ADGRL2: variants seen among roughly 807,000 people sequenced by gnomAD.
ADGRL2 encodes calcium-independent alpha-latrotoxin receptor 2.
A neutral mutation model predicts 157.4 loss-of-function variants in ADGRL2; 44 were observed. The ratio of observed to expected loss-of-function variants is 0.28; its 90% CI spans 0.22 to 0.36. The LOEUF (loss-of-function observed/expected upper bound fraction) is 0.36, where lower values mean the gene tolerates loss of function less well. Among genes scored for constraint, ADGRL2 ranks in the 10% least tolerant of loss-of-function variants. ADGRL2 has a pLI of 1.00. For synonymous variants in ADGRL2, 585 were observed against 624.7 expected, an observed-to-expected ratio of 0.94 and a Z score of 0.95; for missense variants, 1,510 against 1,768.9, an observed-to-expected ratio of 0.85 and a Z score of 2.63.
intron 2 of ADGRL2, among the ~76,000 whole-genome samples, chr1:81,520,819 A>G (rs1331619827): frequency 6.6e-6 from 1 of 152,136 alleles, no homozygotes. Context: ...TAAAAAGTCT[A>G]TGACAGGCAG....
At chr1:81,332,372 T>C (rs553919004) in intron 1 of ADGRL2, among the ~76,000 whole-genome samples, 19 of 152,266 alleles carry the variant, frequency 1.2e-4, no homozygotes, top group South Asian at 4.1e-4. Context: ...AAAAGAAATA[T>C]TTTAGCAGAG....
intron 1 of ADGRL2, among the ~76,000 whole-genome samples, chr1:81,826,324 G>A (rs1386105752): frequency 6.6e-6 from 1 of 152,132 alleles, no homozygotes; most frequent in Non-Finnish European, 1.5e-5. Flanking sequence ...TAGTATATTG[G>A]TCTAGAAGGT....
chr1:81,950,203 G>A lies in ADGRL2; in HGVS notation c.1225G>A (p.Val409Met). ...PDPAQVPTTA[V>M]TITSSAELFK... ...TTTTTCCATAGTGCCTACCACAGCT[G>A]TGACAATAACTTCTTCAGCTGAGCT... The change falls in exon 7 of 24, where the codon GTG becomes ATG. Residue 409 changes from valine to methionine, a missense_variant. By Grantham distance (21) the Val-to-Met change is conservative. Around this residue, in one of 4 missense-constraint regions of ADGRL2, gnomAD observed 325 missense variants for 333.2 expected, o/e 0.98. Transcript: ENST00000686636. 6.2e-7 allele frequency: 1 copy of A among 1,613,844 alleles called. No individual in the cohort carries two copies. Among genetic ancestry groups the A allele is most frequent in the South Asian group, 1.1e-5 (1 of 91,078 alleles).
chr1:81,418,647 G>A (rs530345247), intron 1 of ADGRL2, among the ~76,000 whole-genome samples: 4 of 152,032 alleles, frequency 2.6e-5, no homozygotes, highest in South Asian at 2.1e-4. Context: ...CCAGCTACTC[G>A]GGAGGCTGAG....
At chr1:81,491,741 T>C (rs924052112) in intron 2 of ADGRL2, among the ~76,000 whole-genome samples, 4 of 152,168 alleles carry the variant, frequency 2.6e-5, no homozygotes, top group Non-Finnish European at 4.4e-5. Context: ...ATTTCTACGG[T>C]GGTGGGTGCT....
chr1:81,894,840 CT>C (rs1162674673), intron 2 of ADGRL2, among the ~76,000 whole-genome samples: 2 of 151,820 alleles, frequency 1.3e-5, no homozygotes, highest in Admixed American at 1.3e-4. Flanking sequence ...AATTTACAGC[CT>C]TTTGAAGTTT....
chr1:81,821,611 A>G (rs2090994934), intron 1 of ADGRL2, among the ~76,000 whole-genome samples: 1 of 152,142 alleles, frequency 6.6e-6, no homozygotes, highest in Admixed American at 6.6e-5. Context: ...AATAATATCT[A>G]TGGTTTAATT....
chr1:81,827,639 C>A (rs1417294810), intron 1 of ADGRL2, among the ~76,000 whole-genome samples: 1 of 152,138 alleles, frequency 6.6e-6, no homozygotes, highest in African/African-American at 2.4e-5. Context: ...GATCTTGGCG[C>A]ACTACACCCT....
chr1:81,941,418 A>T (rs1221027773), intron 4 of ADGRL2, among the ~76,000 whole-genome samples: 2 of 151,604 alleles, frequency 1.3e-5, no homozygotes, highest in Non-Finnish European at 3.0e-5. Flanking sequence ...TAGGAATAGA[A>T]AATAATAGAA....
chr1:81,581,887 C>A (rs2080920799), intron 3 of ADGRL2, among the ~76,000 whole-genome samples: 1 of 145,760 alleles, frequency 6.9e-6, no homozygotes, highest in South Asian at 2.1e-4. Context: ...CACACACACA[C>A]ACACACACAC....
At chr1:81,715,123 T>C (rs940144773) in intron 1 of ADGRL2, among the ~76,000 whole-genome samples, 1 of 151,962 alleles carries the variant, frequency 6.6e-6, no homozygotes, top group East Asian at 1.9e-4. Context: ...TGCTTCTTGC[T>C]TTGGCTGCTC....
intron 1 of ADGRL2, among the ~76,000 whole-genome samples, chr1:81,326,113 G>A (rs1408176856): frequency 6.6e-6 from 1 of 152,174 alleles, no homozygotes; most frequent in Non-Finnish European, 1.5e-5. Context: ...ATTACATATG[G>A]AGAGTGGGAG....
intron 1 of ADGRL2, among the ~76,000 whole-genome samples, chr1:81,307,859 G>A (rs1410087): frequency 0.74 from 111,809 of 151,780 alleles, 42,131 homozygotes; most frequent in African/African-American, 0.83. Flanking sequence ...AAAAAAATGC[G>A]CCTTGATTTT....
chr1:81,733,119 T>TG (rs1252732999), intron 1 of ADGRL2, among the ~76,000 whole-genome samples: 2 of 152,228 alleles, frequency 1.3e-5, no homozygotes, highest in African/African-American at 4.8e-5. Flanking sequence ...TGATACTGGC[T>TG]GATGCATGAG....
chr1:81,628,531 C>T (rs992708653), intron 3 of ADGRL2, among the ~76,000 whole-genome samples: 5 of 152,110 alleles, frequency 3.3e-5, no homozygotes, highest in African/African-American at 1.2e-4. Context: ...TTTCTCACAA[C>T]AGCCCTGTGA....
At chr1:81,807,057 CA>C (rs781084567) in intron 1 of ADGRL2, among the ~76,000 whole-genome samples, 7 of 151,620 alleles carry the variant, frequency 4.6e-5, no homozygotes, top group East Asian at 1.9e-4. Flanking sequence ...TGCATCGTTA[CA>C]AAAAAATGGT....
intron 2 of ADGRL2, among the ~76,000 whole-genome samples, chr1:81,874,101 T>C (rs1047071036): frequency 1.3e-5 from 2 of 152,140 alleles, no homozygotes; most frequent in South Asian, 4.1e-4. Flanking sequence ...CATGATTTGT[T>C]TTGGTTGGGT....
chr1:81,617,136 TG>T (rs2081674121), intron 3 of ADGRL2, among the ~76,000 whole-genome samples: 1 of 152,234 alleles, frequency 6.6e-6, no homozygotes, highest in Non-Finnish European at 1.5e-5. Flanking sequence ...CCTGGTTGCA[TG>T]GCAGGAGGTG....
intron 2 of ADGRL2, among the ~76,000 whole-genome samples, chr1:81,480,497 T>A (rs1417851401): frequency 6.6e-6 from 1 of 152,164 alleles, no homozygotes; most frequent in African/African-American, 2.4e-5. Flanking sequence ...TTATAAGTTT[T>A]AATTTCAGAA....
Sources: gnomAD v4.1 joint callset for allele counts (sites outside exome capture counted in the v4.1 genomes callset) on GRCh38, gnomAD v4.1.1 for gene constraint, gnomAD v4.1.1 regional missense constraint, MANE v1.5 for transcripts, NCBI Gene and HGNC (gene_info 2026-07-23, HGNC 2026-07-21) for gene names.